Variants in GPR146 observed in about 807,000 individuals in gnomAD.
GPR146 encodes G-protein coupled receptor 146.
For missense variants in GPR146, 381 were observed against 213.9 expected (o/e 1.78, Z -4.87); for synonymous variants, 203 against 104.3 (o/e 1.95, Z -5.77).
chr7:1,047,478 T>C (rs1291046054), intron 1 of GPR146, among the ~76,000 whole-genome samples: 1 of 152,260 alleles, frequency 6.6e-6, no homozygotes, highest in South Asian at 2.1e-4. Flanking sequence ...GCGTAAGCTC[T>C]CCACGTGGAA....
rs116586642 is a variant in GPR146 at position 1,044,844 on chromosome 7, G to A, written c.-25+186G>A. On this transcript the variant is annotated intron_variant, in intron 1 of 1. Transcript: ENST00000444847. ...TGCCAGGAGGGGACCGCTGTCCTCCGGCCGCGCTCCGAGCTGAGCCCCGGG... is the reference window on the plus strand; with the variant it reads ...TGCCAGGAGGGGACCGCTGTCCTCCAGCCGCGCTCCGAGCTGAGCCCCGGG... Among the ~76,000 whole-genome samples, 854 of 152,336 alleles carry A rather than the reference G, an allele frequency of 5.6e-3. 12 individuals are homozygous for A. The highest frequency in any genetic ancestry group is 0.019 in the African/African-American group (788 of 41,582).
chr7:1,050,842 G>T (rs1236428731), intron 1 of GPR146, among the ~76,000 whole-genome samples: 1 of 152,184 alleles, frequency 6.6e-6, no homozygotes, highest in Non-Finnish European at 1.5e-5. Context: ...CGCTCGGCAG[G>T]GACCAGGAAC....
chr7:1,054,216 C>T (rs1360545238), intron 1 of GPR146, among the ~76,000 whole-genome samples: 2 of 152,246 alleles, frequency 1.3e-5, no homozygotes, highest in East Asian at 3.9e-4. Context: ...TTGGGGCCAA[C>T]ACGCAAAGCG....
Position 1,057,564 on chromosome 7 carries a change from C to G in GPR146, c.49C>G (p.Pro17Ala). 1.3e-6 allele frequency: 1 copy of G among 773,368 alleles called. No individual in the cohort carries two copies. The allele number at this position is 773,368 out of a possible 1,614,324, so 47.9% of individuals were successfully genotyped here. A position where few individuals can be genotyped will look rare whatever the true frequency, so the allele number is the denominator to read the frequency against. Residue 17 changes from proline (P) to alanine (A), a missense_variant, in exon 2 of 2, where the codon CCT becomes GCT. Transcript: ENST00000444847. ...CGGCACAGGGCTGGTGGAGGAGCTG[C>G]CTGCCTGCCAGGACCTGCAGCTGGG... ...FNGTGLVEEL[P>A]ACQDLQLGLS... is the part of the protein sequence containing the mutation.
chr7:1,049,931 G>A (rs1300545797), intron 1 of GPR146, among the ~76,000 whole-genome samples: 1 of 152,142 alleles, frequency 6.6e-6, no homozygotes. Flanking sequence ...AGCCAGGCCT[G>A]GCAGCAGCCA....
chr7:1,057,590 G>T lies in GPR146; in HGVS notation c.75G>T (p.Gly25=). 1.3e-6 allele frequency: 1 copy of T among 771,746 alleles called. No homozygotes were observed. The highest frequency in any genetic ancestry group is 1.4e-5 in the South Asian group (1 of 73,476). 47.8% of individuals were successfully genotyped at this position (771,746 alleles called of 1,614,324 possible). The part of the protein sequence containing the change: ...ELPACQDLQL[G]LSLLSLLGLV... Reference sequence around the variant, plus strand: ...CTGCCTGCCAGGACCTGCAGCTGGGGCTGTCACTGTTGTCGCTGCTGGGCC... The same window carrying T: ...CTGCCTGCCAGGACCTGCAGCTGGGTCTGTCACTGTTGTCGCTGCTGGGCC... The change falls in exon 2 of 2, where the codon GGG becomes GGT. Residue 25 remains glycine (G), a synonymous_variant. Coordinates refer to ENST00000444847, the MANE Select transcript of GPR146 (RefSeq NM_001303473.2).
intron 1 of GPR146, among the ~76,000 whole-genome samples, chr7:1,053,094 T>C (rs1359778162): frequency 6.6e-6 from 1 of 152,170 alleles, no homozygotes; most frequent in Admixed American, 6.5e-5. Flanking sequence ...CAGGCCATTG[T>C]TCTCCAGTTC....
chr7:1,055,297 C>T (rs1783610032), intron 1 of GPR146: 1 of 471,080 alleles, frequency 2.1e-6, no homozygotes, highest in Admixed American at 2.3e-5. Context: ...GTGCTTGCAT[C>T]CTGGGGCCCT....
intron 1 of GPR146, among the ~76,000 whole-genome samples, chr7:1,045,141 C>T (rs2128191029): frequency 6.6e-6 from 1 of 152,352 alleles, no homozygotes; most frequent in South Asian, 2.1e-4. Flanking sequence ...CACTGGAAGG[C>T]AGTGCTCTCC....
chr7:1,052,638 G>A lies in GPR146; in HGVS notation c.-24-4854G>A, dbSNP rs1197490730. On this transcript the variant is annotated intron_variant, in intron 1 of 1. Coordinates refer to ENST00000444847, the MANE Select transcript of GPR146 (RefSeq NM_001303473.2). This position sits in a 1 kb window ranked among gnomAD's most constrained non-coding sequence, Gnocchi z 4.2. Reference sequence around the variant, plus strand: ...CAAGCTGGTGGTCTCTCAGTGCAAGGGTGGGGCTGGCCTGGAGGAGAGGCC... The same window carrying A: ...CAAGCTGGTGGTCTCTCAGTGCAAGAGTGGGGCTGGCCTGGAGGAGAGGCC... Among the ~76,000 whole-genome samples, 1 of 152,140 alleles carries A rather than the reference G, an allele frequency of 6.6e-6. No individual in the cohort carries two copies. The highest frequency in any genetic ancestry group is 6.5e-5 in the Admixed American group (1 of 15,276).
Position 1,056,062 on chromosome 7 carries a change from G to A in GPR146, c.-24-1430G>A, listed in dbSNP as rs74610120. 38 of 153,702 alleles carry A rather than the reference G, an allele frequency of 2.5e-4. No homozygotes were observed. The East Asian group carries it at 4.6e-3, about 19-fold the overall frequency. 9.5% of individuals were successfully genotyped at this position (153,702 alleles called of 1,614,324 possible). A position where few individuals can be genotyped will look rare whatever the true frequency, so the allele number is the denominator to read the frequency against. ...GGAGGGGAGAAGCCCGCAGAGGCCC[G>A]GACGCCCCCCTCACCGGCCCCCGCC... On this transcript the variant is annotated intron_variant, in intron 1 of 1. Transcript: ENST00000444847.
In GPR146 at chr7:1,058,882, G is replaced by A. The variant is rs2293523; in HGVS notation, c.*365G>A. ...TAAAATACTTGATTCCCCCTTGTTT[G>A]TTTTACAAAAACAGATGTTTCCTAG... On this transcript the variant is annotated 3_prime_UTR_variant, in exon 2 of 2. Coordinates refer to ENST00000444847, the MANE Select transcript of GPR146 (RefSeq NM_001303473.2). The A allele has an allele frequency of 0.16, 34,748 of 213,214 alleles. 3,098 individuals are homozygous for A. The highest frequency in any genetic ancestry group is 0.19 in the African/African-American group (8,156 of 43,126). 13.2% of individuals were successfully genotyped at this position (213,214 alleles called of 1,614,324 possible).
At chr7:1,048,186 A>G (rs2128193926) in intron 1 of GPR146, among the ~76,000 whole-genome samples, 1 of 152,316 alleles carries the variant, frequency 6.6e-6, no homozygotes, top group South Asian at 2.1e-4. Context: ...AGGGATCAAC[A>G]TCCGCAAAAG....
chr7:1,058,295 C>T lies in GPR146; in HGVS notation c.780C>T (p.Ile260=). Residue 260 remains isoleucine, a synonymous_variant, in exon 2 of 2, where the codon ATC becomes ATT. Coordinates refer to ENST00000444847, the MANE Select transcript of GPR146 (RefSeq NM_001303473.2). ...YLILLGHTVI[I]SRGKPVDAHY... is the part of the protein sequence containing the mutation. The stretch of plus-strand genomic sequence containing the variant: ...TCCTGCTGGGGCACACGGTCATCAT[C>T]TCGCGAGGGAAGCCCGTGGACGCAC... 1 of 774,440 alleles carries T rather than the reference C, an allele frequency of 1.3e-6. No homozygotes were observed. Among genetic ancestry groups the T allele is most frequent in the Admixed American group, 1.7e-5 (1 of 59,038 alleles). 48.0% of individuals were successfully genotyped at this position (774,440 alleles called of 1,614,324 possible).
rs748018539 is a variant in GPR146, at chr7:1,057,979, C to G, written c.464C>G (p.Ala155Gly). ...GTGTGCGGCTTCGTGTGGGGTGGCGCGCTGCTGACCAGCTTCTCCTCGCTG... is the reference window on the plus strand; with the variant it reads ...GTGTGCGGCTTCGTGTGGGGTGGCGGGCTGCTGACCAGCTTCTCCTCGCTG... ...RHVCGFVWGG[A>G]LLTSFSSLLF... The change falls in exon 2 of 2, where the codon GCG becomes GGG. Residue 155 changes from alanine to glycine, a missense_variant. By Grantham distance (60) the Ala-to-Gly change is moderately conservative. Coordinates refer to ENST00000444847, the MANE Select transcript of GPR146 (RefSeq NM_001303473.2). 3.9e-6 allele frequency: 3 copies of G among 770,796 alleles called. No homozygotes were observed. The highest frequency in any genetic ancestry group is 7.2e-6 in the Non-Finnish European group (3 of 417,910). 47.7% of individuals were successfully genotyped at this position (770,796 alleles called of 1,614,324 possible). A position where few individuals can be genotyped will look rare whatever the true frequency, so the allele number is the denominator to read the frequency against.
In GPR146 at chr7:1,057,034, C is replaced by T. The variant is rs533698024; in HGVS notation, c.-24-458C>T. On this transcript the variant is annotated intron_variant, in intron 1 of 1. Transcript: ENST00000444847. Reference sequence around the variant, plus strand: ...AGGCTCTGCAAGGACTCCAAGGCACCGGGTCCTGAGCTGCCGGGAGGGAGG... The same window carrying T: ...AGGCTCTGCAAGGACTCCAAGGCACTGGGTCCTGAGCTGCCGGGAGGGAGG... Among the ~76,000 whole-genome samples the T allele has an allele frequency of 6.6e-5, 10 of 151,962 alleles. No individual in the cohort carries two copies. The East Asian group carries it at 9.7e-4, about 15-fold the overall frequency.
intron 1 of GPR146, among the ~76,000 whole-genome samples, chr7:1,049,326 C>G (rs990352285): frequency 1.3e-5 from 2 of 152,226 alleles, no homozygotes; most frequent in African/African-American, 4.8e-5. Context: ...CAGGCCAGGG[C>G]TGGTAACAGG....
chr7:1,047,454 A>G (rs1169207500), intron 1 of GPR146, among the ~76,000 whole-genome samples: 1 of 152,266 alleles, frequency 6.6e-6, no homozygotes, highest in Admixed American at 6.5e-5. Flanking sequence ...GAAGGCACAG[A>G]TAGGAATCAG....
At chr7:1,048,615 G>A (rs1381707059) in intron 1 of GPR146, among the ~76,000 whole-genome samples, 1 of 152,156 alleles carries the variant, frequency 6.6e-6, no homozygotes, top group Non-Finnish European at 1.5e-5. Flanking sequence ...TCACCTCACT[G>A]CTCACAGACA....
Sources: allele counts gnomAD v4.1 joint callset (sites outside exome capture counted in the v4.1 genomes callset), GRCh38; gene constraint gnomAD v4.1.1; non-coding constraint Gnocchi (gnomAD v3.1); transcripts MANE v1.5; gene names NCBI Gene and HGNC (gene_info 2026-07-23, HGNC 2026-07-21).